HECTD4: variants seen among roughly 807,000 people sequenced by gnomAD.
HECTD4 encodes the protein probable E3 ubiquitin-protein ligase HECTD4.
In HECTD4, 114 loss-of-function variants were observed where a neutral mutation model predicts 471.5. The ratio of observed to expected loss-of-function variants is 0.24; its 90% CI spans 0.21 to 0.28. HECTD4 has a LOEUF of 0.28. HECTD4 is among the 10% of genes least tolerant of loss of function. The pLI, the probability that HECTD4 is intolerant of heterozygous loss-of-function variation, is 1.00. For missense variants in HECTD4, 3,866 were observed against 5,651.5 expected, an observed-to-expected ratio of 0.68 and a Z score of 10.13; for synonymous variants, 2,012 against 2,256.0, an observed-to-expected ratio of 0.89 and a Z score of 3.07.
intron 1 of HECTD4, among the ~76,000 whole-genome samples, chr12:112,328,024 A>G (rs564359747): frequency 5.1e-4 from 77 of 152,348 alleles, no homozygotes; most frequent in African/African-American, 1.7e-3. Flanking sequence ...TCAATTCATT[A>G]TATGAACCTG....
At chr12:112,197,559 G>A (rs973311499) in intron 55 of HECTD4, among the ~76,000 whole-genome samples, 5 of 152,130 alleles carry the variant, frequency 3.3e-5, no homozygotes, top group Non-Finnish European at 5.9e-5. Context: ...TCTGTGCCAG[G>A]ACCAGAAATC....
rs2032928188 is a variant in HECTD4, at chr12:112,216,728, G to A, written c.7385+45C>T. 5 of 1,598,070 alleles carry A rather than the reference G, an allele frequency of 3.1e-6. 1 individual carries two copies. In the South Asian group the frequency reaches 4.4e-5, roughly 14 times the overall value. On this transcript the variant is annotated intron_variant, in intron 47 of 75. Coordinates refer to ENST00000682272, the MANE Select transcript of HECTD4 (RefSeq NM_001388303.1). ...CCTGAACACCTATACACACCTTGTGGGAGGCTACTGCTCTCTGTCACACTG... is the reference window on the plus strand; with the variant it reads ...CCTGAACACCTATACACACCTTGTGAGAGGCTACTGCTCTCTGTCACACTG...
chr12:112,243,430 C>T lies in HECTD4; in HGVS notation c.4881G>A (p.Leu1627=), dbSNP rs1278296506. 6.2e-7 allele frequency: 1 copy of T among 1,611,738 alleles called. No homozygotes were observed. The highest frequency in any genetic ancestry group is 8.5e-7 in the Non-Finnish European group (1 of 1,179,008). The change falls in exon 32 of 76, where the codon TTG becomes TTA. Residue 1627 remains leucine (L), a synonymous_variant. Coordinates refer to ENST00000682272, the MANE Select transcript of HECTD4 (RefSeq NM_001388303.1). The surrounding 1 kb of genome is among the most constrained non-coding windows in gnomAD (Gnocchi z 6.6). ...CCCCGACTCGTACGGCAGCTGTCAGCAATTCCCGCATGTGCACCAGTGCCT... is the reference window on the plus strand; with the variant it reads ...CCCCGACTCGTACGGCAGCTGTCAGTAATTCCCGCATGTGCACCAGTGCCT... ...RKQALVHMRE[L]LTAAVRVGGV... is the part of the protein sequence containing the mutation.
intron 39 of HECTD4, chr12:112,231,187 T>C (rs1345161519): frequency 4.5e-5 from 20 of 447,844 alleles, no homozygotes; most frequent in Non-Finnish European, 2.0e-5. Context: ...TTGTGTTCAG[T>C]TGGGGCAGTG....
At chr12:112,189,720 A>G (rs1044680064) in intron 60 of HECTD4, among the ~76,000 whole-genome samples, 1 of 151,928 alleles carries the variant, frequency 6.6e-6, no homozygotes, top group African/African-American at 2.4e-5. Flanking sequence ...GATCTGTTTG[A>G]ACCCTGAAGG....
intron 7 of HECTD4, among the ~76,000 whole-genome samples, chr12:112,294,912 C>T (rs567596069): frequency 1.7e-4 from 26 of 152,162 alleles, no homozygotes; most frequent in African/African-American, 2.4e-4. Context: ...TTGCCTTCCC[C>T]GGGGAAACCA....
intron 32 of HECTD4, among the ~76,000 whole-genome samples, chr12:112,241,174 C>G (rs1046372156): frequency 6.6e-6 from 1 of 151,856 alleles, no homozygotes; most frequent in Non-Finnish European, 1.5e-5. Context: ...TTGGCATTTT[C>G]TACATTTTTT....
At chr12:112,367,827 A>C (rs893867122) in intron 1 of HECTD4, among the ~76,000 whole-genome samples, 1 of 148,222 alleles carries the variant, frequency 6.7e-6, no homozygotes, top group African/African-American at 2.5e-5. Context: ...TCTCAAAAAA[A>C]AAAAAAAAAA....
Position 112,204,575 on chromosome 12 carries a change from T to C in HECTD4, c.8180A>G (p.Asn2727Ser). 6.2e-7 allele frequency: 1 copy of C among 1,613,572 alleles called. No homozygotes were observed. The highest frequency in any genetic ancestry group is 8.5e-7 in the Non-Finnish European group (1 of 1,179,492). ...RQTVEFLYEE[N>S]GGIPRDLYLP... ...ATAAAGGTCTCTTGGGATGCCACCA[T>C]TCTCTTCGTAGAGAAATTCAACCGT... Residue 2727 changes from asparagine (N) to serine (S), a missense_variant, in exon 53 of 76, where the codon AAT (asparagine) becomes AGT (serine). Asn to Ser is a conservative substitution (Grantham distance 46). This residue lies in a region of HECTD4 where 266 missense variants were observed against 441.6 expected (regional missense o/e 0.60). Coordinates refer to ENST00000682272, the MANE Select transcript of HECTD4 (RefSeq NM_001388303.1).
rs1170542769 is a variant in HECTD4, at chr12:112,177,375, C to CTTT, written c.11364-674_11364-673insAAA. 1.3e-3 allele frequency among the ~76,000 whole-genome samples: 180 copies of CTTT among 143,440 alleles called. 5 individuals carry two copies. The highest frequency in any genetic ancestry group is 4.3e-3 in the African/African-American group (161 of 37,316). 94.1% of individuals were successfully genotyped at this position (143,440 alleles called of 152,430 possible). On this transcript the variant is annotated intron_variant, in intron 64 of 75. Coordinates refer to ENST00000682272, the MANE Select transcript of HECTD4 (RefSeq NM_001388303.1). The stretch of plus-strand genomic sequence containing the variant: ...TATCCATACATGGAATGTTATGAGG[C>CTTT]TATTTTTTTTTTTTTTTTTTTTGAG...
chr12:112,300,644 C>A (rs2035143889), intron 7 of HECTD4, among the ~76,000 whole-genome samples: 1 of 152,162 alleles, frequency 6.6e-6, no homozygotes, highest in Non-Finnish European at 1.5e-5. Context: ...GTCACTCATG[C>A]TGGAATGCAG....
At chr12:112,318,544 T>C (rs1699945058) in intron 2 of HECTD4, among the ~76,000 whole-genome samples, 2 of 152,116 alleles carry the variant, frequency 1.3e-5, no homozygotes, top group Non-Finnish European at 2.9e-5. Flanking sequence ...CGGCTAATTT[T>C]TGTATTTTTA....
chr12:112,169,691 C>T (rs373921622), intron 69 of HECTD4, 33 bp from the exon 70 acceptor site: 150 of 1,609,900 alleles, frequency 9.3e-5, no homozygotes, highest in Non-Finnish European at 1.2e-4. Flanking sequence ...CAAAGCACCC[C>T]GCCGTGGCCG....
At chr12:112,324,048 T>C (rs2035678896) in intron 1 of HECTD4, among the ~76,000 whole-genome samples, 4 of 58,430 alleles carry the variant, frequency 6.8e-5, no homozygotes, top group African/African-American at 1.3e-4. Flanking sequence ...CTTCCTTCCT[T>C]TCTTTCTTTC....
At chr12:112,376,404 G>A (rs1002767342) in intron 1 of HECTD4, among the ~76,000 whole-genome samples, 1 of 151,944 alleles carries the variant, frequency 6.6e-6, no homozygotes, top group Non-Finnish European at 1.5e-5. Context: ...CCGCCACCAC[G>A]CCCGGCTAAT....
intron 7 of HECTD4, among the ~76,000 whole-genome samples, chr12:112,300,866 A>G (rs190143546): frequency 2.0e-5 from 3 of 151,814 alleles, no homozygotes; most frequent in Non-Finnish European, 2.9e-5. Flanking sequence ...TACTGCACCC[A>G]GCCTGTATTA....
intron 7 of HECTD4, among the ~76,000 whole-genome samples, chr12:112,283,893 C>T (rs2034694316): frequency 6.6e-6 from 1 of 151,750 alleles, no homozygotes; most frequent in African/African-American, 2.4e-5. Flanking sequence ...GTGGTGACTC[C>T]AAAATTCCTT....
chr12:112,352,493 G>A lies in HECTD4; in HGVS notation c.177+29459C>T, dbSNP rs932127219. Among the ~76,000 whole-genome samples the A allele has an allele frequency of 4.6e-4, 70 of 151,272 alleles. 1 individual carries two copies. Among genetic ancestry groups the A allele is most frequent in the East Asian group, 2.0e-3 (10 of 5,124 alleles). On this transcript the variant is annotated intron_variant, in intron 1 of 75. Coordinates refer to ENST00000682272, the MANE Select transcript of HECTD4 (RefSeq NM_001388303.1). Reference sequence around the variant, plus strand: ...TGGGATTACAGGTGCCTGCCACTACGCCCAGCTAATTTTTATATTTTTAGT... The same window carrying A: ...TGGGATTACAGGTGCCTGCCACTACACCCAGCTAATTTTTATATTTTTAGT...
intron 1 of HECTD4, among the ~76,000 whole-genome samples, chr12:112,374,351 G>A (rs1051777841): frequency 6.6e-6 from 1 of 152,118 alleles, no homozygotes; most frequent in African/African-American, 2.4e-5. Context: ...AAAAAGGTAT[G>A]GAATTTGCCC....
Sources: gnomAD v4.1 joint callset for allele counts (sites outside exome capture counted in the v4.1 genomes callset) on GRCh38, gnomAD v4.1.1 for gene constraint, gnomAD v4.1.1 regional missense constraint, Gnocchi (gnomAD v3.1) non-coding constraint, MANE v1.5 for transcripts, NCBI Gene and HGNC (gene_info 2026-07-23, HGNC 2026-07-21) for gene names.